The following TRDN variants were observed in gnomAD, a reference collection of about 807,000 sequenced individuals.
The protein encoded by TRDN is triadin.
Under a neutral mutation model 149.7 loss-of-function variants are expected in TRDN, and 161 were observed. The ratio of observed to expected loss-of-function variants is 1.08; its 90% CI spans 0.95 to 1.23. The LOEUF (loss-of-function observed/expected upper bound fraction) is 1.23. TRDN is among the 50% of genes most tolerant of loss of function. The pLI, the probability that TRDN is intolerant of heterozygous loss-of-function variation, is 0.00. For synonymous variants in TRDN, 294 were observed against 250.5 expected, an observed-to-expected ratio of 1.17 and a Z score of -1.64; for missense variants, 896 against 823.5, an observed-to-expected ratio of 1.09 and a Z score of -1.08.
intron 20 of TRDN, among the ~76,000 whole-genome samples, chr6:123,359,986 C>T (rs561100064): frequency 4.6e-5 from 7 of 152,030 alleles, no homozygotes; most frequent in East Asian, 1.9e-4. Context: ...TGAGCCACTG[C>T]GCCTGGCCGT....
intron 5 of TRDN, among the ~76,000 whole-genome samples, chr6:123,526,414 T>C (rs547328611): frequency 8.4e-4 from 127 of 151,960 alleles, no homozygotes; most frequent in Non-Finnish European, 1.3e-3. Context: ...ATTCTGGTGC[T>C]ACAGACTCAG....
chr6:123,596,679 C>T lies in TRDN; in HGVS notation c.23-25547G>A, dbSNP rs545157766. Among the ~76,000 whole-genome samples, 14 of 152,178 alleles carry T rather than the reference C, an allele frequency of 9.2e-5. No homozygotes were observed. In the South Asian group the frequency reaches 2.9e-3, roughly 32 times the overall value. ...TTACCATTCTGACAAACCCAAGGCT[C>T]TGAAGAATTATACTAAATCTACCTT... On this transcript the variant is annotated intron_variant, in intron 1 of 40. Transcript: ENST00000334268.
intron 16 of TRDN, among the ~76,000 whole-genome samples, chr6:123,379,590 A>G (rs1052194546): frequency 2.0e-5 from 3 of 152,202 alleles, no homozygotes; most frequent in Non-Finnish European, 4.4e-5. Flanking sequence ...TCAGAATCGA[A>G]TACCAGCTAT....
intron 19 of TRDN, among the ~76,000 whole-genome samples, chr6:123,375,281 A>G (rs1205047519): frequency 1.3e-5 from 2 of 152,164 alleles, no homozygotes; most frequent in Non-Finnish European, 2.9e-5. Context: ...TGATCAACTG[A>G]TTAATCTTTA....
At chr6:123,495,634 G>C (rs963558217) in intron 9 of TRDN, among the ~76,000 whole-genome samples, 1 of 152,150 alleles carries the variant, frequency 6.6e-6, no homozygotes, top group African/African-American at 2.4e-5. Context: ...CTAAAGTGCT[G>C]TGATGACAGG....
At chr6:123,484,079 G>C (rs115761372) in intron 9 of TRDN, among the ~76,000 whole-genome samples, 1 of 151,852 alleles carries the variant, frequency 6.6e-6, no homozygotes, top group African/African-American at 2.4e-5. Context: ...AATCAGTAAC[G>C]TTAATGTTAA....
intron 24 of TRDN, among the ~76,000 whole-genome samples, chr6:123,312,284 C>T (rs138540752): frequency 4.8e-4 from 73 of 152,036 alleles, no homozygotes; most frequent in African/African-American, 1.5e-3. Context: ...GACCCATTTG[C>T]ATTTATTCCG....
chr6:123,318,017 T>C (rs890840521), intron 23 of TRDN, among the ~76,000 whole-genome samples: 2 of 151,980 alleles, frequency 1.3e-5, no homozygotes, highest in African/African-American at 4.8e-5. Flanking sequence ...AAATATGGCC[T>C]GCAACAATTC....
intron 5 of TRDN, 110 bp from the exon 6 acceptor site, chr6:123,516,316 T>G: frequency 1.6e-6 from 2 of 1,236,972 alleles, no homozygotes; most frequent in African/African-American, 3.1e-5. Context: ...TAGAAATCTT[T>G]CTTTAACTGG....
In TRDN at chr6:123,557,630, C is replaced by T. The variant is rs191804344; in HGVS notation, c.233-9018G>A. On this transcript the variant is annotated intron_variant, in intron 2 of 40. Coordinates refer to ENST00000334268, the MANE Select transcript of TRDN (RefSeq NM_006073.4). Reference sequence around the variant, plus strand: ...ACAGTCTTCCCTTGGTGTTTAATCACGCGGGGACAACTGCCTGATTATTCA... The same window carrying T: ...ACAGTCTTCCCTTGGTGTTTAATCATGCGGGGACAACTGCCTGATTATTCA... Among the ~76,000 whole-genome samples the T allele has an allele frequency of 5.8e-4, 88 of 152,212 alleles. No homozygotes were observed. The East Asian group carries it at 9.5e-3, about 16-fold the overall frequency.
chr6:123,545,984 A>G (rs1781091116), intron 4 of TRDN, among the ~76,000 whole-genome samples: 1 of 152,174 alleles, frequency 6.6e-6, no homozygotes. Flanking sequence ...GTTTATAAGT[A>G]TAAATGAGCA....
chr6:123,332,542 G>A (rs1039770129), intron 22 of TRDN, among the ~76,000 whole-genome samples: 4 of 152,030 alleles, frequency 2.6e-5, no homozygotes, highest in African/African-American at 9.7e-5. Context: ...CATCTTCAGT[G>A]TAATTCAGAC....
chr6:123,566,770 A>G (rs1289034529), intron 2 of TRDN, among the ~76,000 whole-genome samples: 4 of 152,250 alleles, frequency 2.6e-5, no homozygotes, highest in African/African-American at 9.6e-5. Context: ...AATTAACATT[A>G]AATATGTGAG....
intron 10 of TRDN, among the ~76,000 whole-genome samples, chr6:123,458,584 C>T (rs1382709037): frequency 2.0e-5 from 3 of 152,204 alleles, no homozygotes; most frequent in Non-Finnish European, 4.4e-5. Context: ...CCTGCAGCTG[C>T]ATCAGCCAAT....
chr6:123,284,000 A>ATATG (rs1431598111), intron 24 of TRDN, among the ~76,000 whole-genome samples: 1 of 119,486 alleles, frequency 8.4e-6, no homozygotes, highest in East Asian at 2.4e-4. Context: ...ATATATATAT[A>ATATG]TATGTAACAA....
intron 9 of TRDN, among the ~76,000 whole-genome samples, chr6:123,466,900 G>A (rs1776852490): frequency 6.6e-6 from 1 of 151,394 alleles, no homozygotes; most frequent in African/African-American, 2.4e-5. Context: ...AATAGTAGTG[G>A]GTGTATAATT....
At chr6:123,319,200 T>C (rs1419653575) in intron 23 of TRDN, among the ~76,000 whole-genome samples, 1 of 152,056 alleles carries the variant, frequency 6.6e-6, no homozygotes, top group Non-Finnish European at 1.5e-5. Flanking sequence ...TTAAATTGCA[T>C]GATCTTTCAA....
At chr6:123,403,961 T>C (rs981097050) in intron 12 of TRDN, among the ~76,000 whole-genome samples, 5 of 152,180 alleles carry the variant, frequency 3.3e-5, no homozygotes, top group African/African-American at 4.8e-5. Flanking sequence ...ATTCAGGTTT[T>C]ATAATGTATA....
intron 12 of TRDN, among the ~76,000 whole-genome samples, chr6:123,417,771 C>T (rs1773715529): frequency 6.6e-6 from 1 of 152,168 alleles, no homozygotes; most frequent in Non-Finnish European, 1.5e-5. Context: ...GCCAATGATA[C>T]ATCCCATCTC....
Sources: allele counts gnomAD v4.1 joint callset (sites outside exome capture counted in the v4.1 genomes callset), GRCh38; gene constraint gnomAD v4.1.1; transcripts MANE v1.5; gene names NCBI Gene and HGNC (gene_info 2026-07-23, HGNC 2026-07-21).